KPNA3: variants seen among roughly 807,000 people sequenced by gnomAD.
The protein encoded by KPNA3 is importin subunit alpha-4.
A neutral mutation model predicts 73.8 loss-of-function variants in KPNA3; 13 were observed. The ratio of observed to expected loss-of-function variants is 0.18; its 90% confidence interval spans 0.11 to 0.28. The LOEUF is 0.28. Ranked by LOEUF, KPNA3 falls within the 10% of genes least tolerant of loss-of-function variation. The probability of loss-of-function intolerance (pLI) is 1.00; values close to 1 mark genes in which losing one functional copy is unlikely to be tolerated. For synonymous variants in KPNA3, 186 were observed against 206.9 expected, an observed-to-expected ratio of 0.90 and a Z score of 0.87; for missense variants, 360 against 618.1, an observed-to-expected ratio of 0.58 and a Z score of 4.43.
chr13:49,752,204 A>G (rs1045824548), intron 1 of KPNA3, among the ~76,000 whole-genome samples: 1 of 152,186 alleles, frequency 6.6e-6, no homozygotes, highest in Non-Finnish European at 1.5e-5. Context: ...TCAAAGAACT[A>G]AAATCCTCTT....
chr13:49,716,132 C>T (rs929787662), intron 10 of KPNA3, among the ~76,000 whole-genome samples: 2 of 152,036 alleles, frequency 1.3e-5, no homozygotes, highest in Non-Finnish European at 2.9e-5. Flanking sequence ...GTGTTAGGCA[C>T]CCTGAAACTG....
intron 1 of KPNA3, among the ~76,000 whole-genome samples, chr13:49,750,252 A>G (rs1251239843): frequency 6.6e-6 from 1 of 152,120 alleles, no homozygotes; most frequent in Non-Finnish European, 1.5e-5. Context: ...TGGTTTTTAC[A>G]TTTTTTAAGT....
chr13:49,744,356 T>C (rs962084526), intron 2 of KPNA3, among the ~76,000 whole-genome samples: 11 of 152,218 alleles, frequency 7.2e-5, no homozygotes, highest in Non-Finnish European at 1.6e-4. Flanking sequence ...CAAAGTATTG[T>C]TGTGTCCATA....
intron 7 of KPNA3, among the ~76,000 whole-genome samples, chr13:49,723,721 T>C (rs559125083): frequency 1.5e-4 from 23 of 151,112 alleles, no homozygotes; most frequent in Non-Finnish European, 3.2e-4. Flanking sequence ...AATACAAAAA[T>C]TAGCTGGACA....
chr13:49,728,836 GCTC>G (rs1312998268), intron 6 of KPNA3, among the ~76,000 whole-genome samples: 1 of 152,148 alleles, frequency 6.6e-6, no homozygotes, highest in Non-Finnish European at 1.5e-5. Flanking sequence ...TGTTCATTCT[GCTC>G]ATCAAACAAG....
At chr13:49,768,402 T>C (rs1954826422) in intron 1 of KPNA3, among the ~76,000 whole-genome samples, 1 of 152,020 alleles carries the variant, frequency 6.6e-6, no homozygotes, top group African/African-American at 2.4e-5. Flanking sequence ...CTTAATCCAG[T>C]CTGACAATCT....
chr13:49,746,277 G>C (rs1954616894), intron 2 of KPNA3, among the ~76,000 whole-genome samples: 1 of 152,040 alleles, frequency 6.6e-6, no homozygotes, highest in African/African-American at 2.4e-5. Context: ...GTGAGACCTA[G>C]TCTCTACAAA....
At position 49,733,028 on chromosome 13, in the gene KPNA3, A is replaced by T; in HGVS notation, c.133T>A (p.Leu45Ile). 6.2e-7 allele frequency: 1 copy of T among 1,609,358 alleles called. No homozygotes were observed. Among genetic ancestry groups the T allele is most frequent in the African/African-American group, 1.3e-5 (1 of 74,894 alleles). Residue 45 changes from leucine (L) to isoleucine (I), a missense_variant, in exon 3 of 17, where the codon TTA (leucine) becomes ATA (isoleucine). Leu to Ile is a conservative substitution (Grantham distance 5). This residue lies in a region of KPNA3 where 287 missense variants were observed against 549.1 expected (regional missense o/e 0.52). Transcript: ENST00000261667. ...TGGGGAACATTTCTCTTTTTCAATA[A>T]GTGTTCATCTCTTTTGTTCTGAAAG... is the stretch of plus-strand genomic sequence containing the variant. ...ELRKNKRDEHLLKKRNVPQEE... is the reference protein window; with the variant it reads ...ELRKNKRDEHILKKRNVPQEE...
rs528187103 is a variant in KPNA3, at chr13:49,704,355, G to A, written c.1372+1266C>T. 6.1e-4 allele frequency among the ~76,000 whole-genome samples: 93 copies of A among 151,236 alleles called. 1 individual carries two copies. Among genetic ancestry groups the A allele is most frequent in the African/African-American group, 2.0e-3 (83 of 41,218 alleles). On this transcript the variant is annotated intron_variant, in intron 15 of 16. Coordinates refer to ENST00000261667, the MANE Select transcript of KPNA3 (RefSeq NM_002267.4). ...GGAGAATTGCTTAAACCCGGGAGAC[G>A]GAGGTTGCGGTGAGCCATTACACTC...
At chr13:49,759,820 C>T (rs1321438955) in intron 1 of KPNA3, among the ~76,000 whole-genome samples, 1 of 152,142 alleles carries the variant, frequency 6.6e-6, no homozygotes, top group Non-Finnish European at 1.5e-5. Flanking sequence ...TCCTAATGGG[C>T]CACGGACTGG....
chr13:49,738,593 A>G (rs553736507), intron 2 of KPNA3, among the ~76,000 whole-genome samples: 4 of 152,274 alleles, frequency 2.6e-5, no homozygotes, highest in South Asian at 2.1e-4. Flanking sequence ...ATACTGAAGT[A>G]TTTTATTTTC....
At chr13:49,746,470 G>A (rs1202005568) in intron 2 of KPNA3, among the ~76,000 whole-genome samples, 1 of 151,944 alleles carries the variant, frequency 6.6e-6, no homozygotes, top group African/African-American at 2.4e-5. Context: ...GTGAAACGCT[G>A]TCTCAAAAAA....
At chr13:49,703,632 A>T (rs558636999) in intron 15 of KPNA3, among the ~76,000 whole-genome samples, 8 of 152,318 alleles carry the variant, frequency 5.3e-5, no homozygotes, top group African/African-American at 1.9e-4. Context: ...AACTTTCTTT[A>T]AAAAATGAAT....
At chr13:49,704,420 AAATAAATAAATAAAAAAT>A (rs1321543388) in intron 15 of KPNA3, among the ~76,000 whole-genome samples, 1 of 109,420 alleles carries the variant, frequency 9.1e-6, no homozygotes, top group African/African-American at 3.1e-5. Context: ...CTCAAAAAAA[AAATAAATAAATAAAAAAT>A]AAATAAATAA....
intron 1 of KPNA3, among the ~76,000 whole-genome samples, chr13:49,767,906 A>C (rs913296255): frequency 2.6e-5 from 4 of 152,232 alleles, no homozygotes; most frequent in Admixed American, 6.5e-5. Flanking sequence ...TTACTAAGTT[A>C]CAATGTGAGT....
chr13:49,784,868 C>G (rs575842286), intron 1 of KPNA3, among the ~76,000 whole-genome samples: 1 of 152,080 alleles, frequency 6.6e-6, no homozygotes, highest in Non-Finnish European at 1.5e-5. Flanking sequence ...TCAAAAAGCT[C>G]ACAATCTAGT....
At chr13:49,792,154 A>C (rs1955039173) in intron 1 of KPNA3, among the ~76,000 whole-genome samples, 1 of 152,014 alleles carries the variant, frequency 6.6e-6, no homozygotes, top group Non-Finnish European at 1.5e-5. Context: ...ACCCCGCCTC[A>C]GCTCCACATC....
At chr13:49,720,486 G>A (rs1168310585) in intron 9 of KPNA3, among the ~76,000 whole-genome samples, 4 of 152,192 alleles carry the variant, frequency 2.6e-5, no homozygotes, top group Non-Finnish European at 4.4e-5. Context: ...GCCAAGTGTG[G>A]TGGCTCATGC....
chr13:49,760,972 T>C (rs143367521), intron 1 of KPNA3, among the ~76,000 whole-genome samples: 45 of 152,246 alleles, frequency 3.0e-4, no homozygotes, highest in African/African-American at 1.0e-3. Context: ...CATGATCACG[T>C]TGGCAAGTGT....
Sources: gnomAD v4.1 joint callset for allele counts (sites outside exome capture counted in the v4.1 genomes callset) on GRCh38, gnomAD v4.1.1 for gene constraint, gnomAD v4.1.1 regional missense constraint, MANE v1.5 for transcripts, NCBI Gene and HGNC (gene_info 2026-07-23, HGNC 2026-07-21) for gene names.